The following RBMS3 variants were observed in gnomAD, a reference collection of about 807,000 sequenced individuals.
The protein encoded by RBMS3 is RNA binding motif single stranded interacting protein 3.
In RBMS3, 27 loss-of-function variants were observed where a neutral mutation model predicts 66.8. That is an observed-to-expected ratio of 0.40 (90% CI 0.30 to 0.56). The LOEUF is 0.56. Among genes scored for constraint, RBMS3 ranks in the 20% least tolerant of loss-of-function variants. RBMS3 has a pLI of 0.40. For missense variants in RBMS3, 513 were observed against 549.5 expected, an observed-to-expected ratio of 0.93 and a Z score of 0.66; for synonymous variants, 188 against 183.0, an observed-to-expected ratio of 1.03 and a Z score of -0.22.
chr3:29,478,180 G>A (rs1399512522), intron 2 of RBMS3, among the ~76,000 whole-genome samples: 1 of 152,168 alleles, frequency 6.6e-6, no homozygotes, highest in African/African-American at 2.4e-5. Flanking sequence ...ATGTGGTTTG[G>A]AACTGTGCTT....
chr3:29,870,362 A>T (rs1178924766), intron 7 of RBMS3, among the ~76,000 whole-genome samples: 1 of 152,146 alleles, frequency 6.6e-6, no homozygotes, highest in East Asian at 1.9e-4. Context: ...GTTGGATAAA[A>T]TGCCTGCTGA....
chr3:29,336,192 G>C (rs1045163967), intron 1 of RBMS3, among the ~76,000 whole-genome samples: 7 of 152,104 alleles, frequency 4.6e-5, no homozygotes, highest in Non-Finnish European at 8.8e-5. Context: ...TTCATGTTTT[G>C]GGTGGTAAGC....
At chr3:29,676,572 A>G (rs989191574) in intron 4 of RBMS3, among the ~76,000 whole-genome samples, 2 of 152,162 alleles carry the variant, frequency 1.3e-5, no homozygotes, top group East Asian at 3.8e-4. Context: ...CATAACCAAA[A>G]TTGTTCACTT....
chr3:29,748,771 A>G (rs1016072848), intron 5 of RBMS3, among the ~76,000 whole-genome samples: 2 of 152,196 alleles, frequency 1.3e-5, no homozygotes, highest in Non-Finnish European at 2.9e-5. Context: ...TTTTGAAGAA[A>G]GCATAGTAGA....
rs770706275 is a variant in RBMS3, at chr3:29,988,165, T to C, written c.1121T>C (p.Met374Thr). The change falls in exon 13 of 15, where the codon ATG (methionine) becomes ACG (threonine). Residue 374 changes from methionine to threonine, a missense_variant. Met to Thr is a moderately conservative substitution (Grantham distance 81, BLOSUM62 -1). Coordinates refer to ENST00000383767, the MANE Select transcript of RBMS3 (RefSeq NM_001003793.3). ...LCQYMTAAAP[M>T]QGTYIPQYTP... Reference sequence around the variant, plus strand: ...TAGTATATGACTGCTGCTGCTCCTATGCAAGGGACCTACATTCCTCAGTAC... The same window carrying C: ...TAGTATATGACTGCTGCTGCTCCTACGCAAGGGACCTACATTCCTCAGTAC... The C allele has an allele frequency of 1.1e-5, 18 of 1,613,368 alleles. No individual in the cohort carries two copies. In the South Asian group the frequency reaches 1.6e-4, roughly 15 times the overall value.
At chr3:29,946,748 CAG>C (rs563763229) in intron 12 of RBMS3, among the ~76,000 whole-genome samples, 259 of 151,558 alleles carry the variant, frequency 1.7e-3, no homozygotes, top group African/African-American at 5.6e-3. Flanking sequence ...TTAAGAAGAA[CAG>C]AGATTTGGAA....
intron 3 of RBMS3, among the ~76,000 whole-genome samples, chr3:29,552,738 GACATTAT>G (rs2046217481): frequency 6.6e-6 from 1 of 152,068 alleles, no homozygotes; most frequent in South Asian, 2.1e-4. Context: ...TAATCCCTAA[GACATTAT>G]AACACCAAAT....
In RBMS3 at chr3:29,696,972, C is replaced by T. The variant is rs1016127852; in HGVS notation, c.400-42748C>T. The T allele has an allele frequency of 1.6e-5, 16 of 984,740 alleles. No individual in the cohort carries two copies. In the African/African-American group the frequency reaches 2.8e-4, roughly 17 times the overall value. The allele number at this position is 984,740 out of a possible 1,614,324, so 61.0% of individuals were successfully genotyped here. A position where few individuals can be genotyped will look rare whatever the true frequency, so the allele number is the denominator to read the frequency against. ...TAATTTTTAATTTTTGTAGGTACCC[C>T]TAGTAGTTGTGATTTCTCCAAAACT... On this transcript the variant is annotated intron_variant, in intron 4 of 14. Coordinates refer to ENST00000383767, the MANE Select transcript of RBMS3 (RefSeq NM_001003793.3).
intron 3 of RBMS3, among the ~76,000 whole-genome samples, chr3:29,502,635 A>G (rs1392423185): frequency 6.6e-6 from 1 of 152,114 alleles, no homozygotes; most frequent in East Asian, 1.9e-4. Flanking sequence ...TCCTTTTGAA[A>G]ATATTTTGAT....
intron 2 of RBMS3, among the ~76,000 whole-genome samples, chr3:29,450,392 TTACTC>T (rs1332025219): frequency 6.6e-6 from 1 of 152,194 alleles, no homozygotes; most frequent in Non-Finnish European, 1.5e-5. Flanking sequence ...ACTCCTTTCA[TTACTC>T]AACACAAAAC....
chr3:29,857,386 C>T (rs796609521), intron 6 of RBMS3, among the ~76,000 whole-genome samples: 26 of 146,826 alleles, frequency 1.8e-4, no homozygotes, highest in African/African-American at 6.0e-4. Context: ...CCCACCCCCA[C>T]GGGGCCCCGA....
chr3:29,783,035 T>A (rs182275421), intron 6 of RBMS3, among the ~76,000 whole-genome samples: 1 of 152,124 alleles, frequency 6.6e-6, no homozygotes, highest in Non-Finnish European at 1.5e-5. Flanking sequence ...TTTGGGACTA[T>A]GTTAAATGAG....
At chr3:29,522,429 G>C (rs1476677650) in intron 3 of RBMS3, among the ~76,000 whole-genome samples, 1 of 152,072 alleles carries the variant, frequency 6.6e-6, no homozygotes, top group Non-Finnish European at 1.5e-5. Context: ...CCTGACCTCA[G>C]GTGATCGGCC....
intron 2 of RBMS3, among the ~76,000 whole-genome samples, chr3:29,475,251 CTTTT>C (rs35099344): frequency 7.1e-6 from 1 of 140,866 alleles, no homozygotes; most frequent in Admixed American, 7.1e-5. Context: ...CTTTTCTTTT[CTTTT>C]TTTTTTTTTT....
chr3:29,459,793 T>C (rs2042313893), intron 2 of RBMS3, among the ~76,000 whole-genome samples: 1 of 152,182 alleles, frequency 6.6e-6, no homozygotes, highest in African/African-American at 2.4e-5. Context: ...GCCCTTTGGG[T>C]AAGTACAGTA....
At position 29,882,990 on chromosome 3, in the gene RBMS3, A is replaced by C. The variant is rs375091333; in HGVS notation, c.745-1172A>C. On this transcript the variant is annotated intron_variant, in intron 7 of 14. Coordinates refer to ENST00000383767, the MANE Select transcript of RBMS3 (RefSeq NM_001003793.3). ...AGTTTCTCCCAATTGTTATATTTTA[A>C]GTAATTATAGTACACTATCAAAGCC... is the stretch of plus-strand genomic sequence containing the variant. 5.9e-5 allele frequency among the ~76,000 whole-genome samples: 9 copies of C among 152,080 alleles called. No individual in the cohort carries two copies. In the East Asian group the frequency reaches 9.7e-4, roughly 16 times the overall value.
chr3:29,778,387 A>G (rs1280997398), intron 6 of RBMS3, among the ~76,000 whole-genome samples: 1 of 150,910 alleles, frequency 6.6e-6, no homozygotes. Flanking sequence ...AGTTAGAGCC[A>G]GGAAATGTTT....
intron 2 of RBMS3, among the ~76,000 whole-genome samples, chr3:29,467,051 GA>G (rs1375507907): frequency 2.0e-5 from 3 of 152,258 alleles, no homozygotes; most frequent in Non-Finnish European, 4.4e-5. Flanking sequence ...TGGCCCAAGT[GA>G]AAATGTATAA....
chr3:29,740,188 C>A (rs2054573597), intron 5 of RBMS3, among the ~76,000 whole-genome samples: 1 of 152,086 alleles, frequency 6.6e-6, no homozygotes, highest in South Asian at 2.1e-4. Flanking sequence ...GCTGCCAATA[C>A]CTGACAGAGA....
Sources: gnomAD v4.1 joint callset for allele counts (sites outside exome capture counted in the v4.1 genomes callset) on GRCh38, gnomAD v4.1.1 for gene constraint, MANE v1.5 for transcripts, NCBI Gene and HGNC (gene_info 2026-07-23, HGNC 2026-07-21) for gene names.